Variants in ANKRD27 observed in about 807,000 individuals in gnomAD.
ANKRD27 encodes ankyrin repeat domain 27, also known as ankyrin repeat domain-containing protein 27.
Under a neutral mutation model 129.7 loss-of-function variants are expected in ANKRD27, and 112 were observed. That is an observed-to-expected ratio of 0.86 (90% confidence interval 0.74 to 1.01). The LOEUF (loss-of-function observed/expected upper bound fraction) is 1.01, where lower values mean the gene tolerates loss of function less well. ANKRD27 is among the 50% of genes least tolerant of loss of function. The probability of loss-of-function intolerance (pLI) is 0.00; values close to 1 mark genes in which losing one functional copy is unlikely to be tolerated. For missense variants in ANKRD27, 1,258 were observed against 1,300.5 expected, an observed-to-expected ratio of 0.97 and a Z score of 0.50; for synonymous variants, 516 against 511.2, an observed-to-expected ratio of 1.01 and a Z score of -0.13.
intron 12 of ANKRD27, chr19:32,636,544 A>C (rs1967093491): frequency 1.3e-5 from 2 of 152,028 alleles, no homozygotes; most frequent in African/African-American, 2.4e-5. Context: ...GCACAGAAAA[A>C]AAGACAAATG....
rs2277927 is a variant in ANKRD27 at position 32,597,460 on chromosome 19, T to C, written c.*685A>G. The C allele has an allele frequency of 0.26, 39,110 of 152,586 alleles. 5,769 individuals are homozygous for C. The highest frequency in any genetic ancestry group is 0.48 in the East Asian group (2,463 of 5,158). 9.5% of individuals were successfully genotyped at this position (152,586 alleles called of 1,614,324 possible). On this transcript the variant is annotated 3_prime_UTR_variant, in exon 29 of 29. Transcript: ENST00000306065. ...CAACAAAAAGGGATGTTTCTAGAAA[T>C]ACTGCTACAGGTGCACGTGTAGTAA...
chr19:32,633,085 G>A (rs1420562244), intron 12 of ANKRD27, among the ~76,000 whole-genome samples: 2 of 152,028 alleles, frequency 1.3e-5, no homozygotes, highest in Admixed American at 6.6e-5. Context: ...ATTGTTATCC[G>A]GGTAAATCCA....
At chr19:32,674,679 G>A (rs1458150050) in intron 1 of ANKRD27, among the ~76,000 whole-genome samples, 1 of 151,592 alleles carries the variant, frequency 6.6e-6, no homozygotes, top group Non-Finnish European at 1.5e-5. Context: ...CCCACCCGCC[G>A]CTCCCCTCCA....
In ANKRD27 at chr19:32,619,364, G is replaced by A; in HGVS notation, c.1903C>T (p.Pro635Ser). ...CTGATGGAGTCCACGGAGCGCTGCGGGGACTGCACAGGGGCCTGCAGCCAA... is the reference window on the plus strand; with the variant it reads ...CTGATGGAGTCCACGGAGCGCTGCGAGGACTGCACAGGGGCCTGCAGCCAA... ...QKSSEAPVQS[P>S]QRSVDSISQE... Residue 635 changes from proline (P) to serine (S), a missense_variant, in exon 20 of 29, where the codon CCG becomes TCG. Pro to Ser is a moderately conservative substitution (Grantham distance 74). Transcript: ENST00000306065. 6.2e-7 allele frequency: 1 copy of A among 1,613,764 alleles called. No homozygotes were observed. The highest frequency in any genetic ancestry group is 8.5e-7 in the Non-Finnish European group (1 of 1,180,020).
chr19:32,622,667 C>A (rs374985702), intron 17 of ANKRD27, 48 bp from the exon 18 acceptor site: 1 of 1,591,960 alleles, frequency 6.3e-7, no homozygotes, highest in African/African-American at 1.3e-5. Context: ...TACCAAGCCT[C>A]GACAAGGTCC....
At chr19:32,610,387 A>C (rs1301123210) in intron 22 of ANKRD27, among the ~76,000 whole-genome samples, 1 of 151,498 alleles carries the variant, frequency 6.6e-6, no homozygotes, top group African/African-American at 2.4e-5. Flanking sequence ...TGGGAGGCTG[A>C]GGCAAAAGGA....
intron 24 of ANKRD27, among the ~76,000 whole-genome samples, chr19:32,604,872 A>G (rs1971708078): frequency 6.6e-6 from 1 of 151,912 alleles, no homozygotes; most frequent in African/African-American, 2.4e-5. Context: ...AGCCTGGCCA[A>G]CATAGTGAAA....
At position 32,644,449 on chromosome 19, in the gene ANKRD27, G is replaced by T; in HGVS notation, c.401C>A (p.Ser134Tyr). The T allele has an allele frequency of 6.2e-7, 1 of 1,613,980 alleles. No homozygotes were observed. Reference protein sequence around the residue: ...EEPLAPSDPFSLKTIEDVREF... With the variant: ...EEPLAPSDPFYLKTIEDVREF... ...TCTCACATCTTCAATGGTTTTCAGG[G>T]AAAAGGGATCTGAGGGTGCCAAAGG... The change falls in exon 5 of 29, where the codon TCC becomes TAC. Residue 134 changes from serine (S) to tyrosine (Y), a missense_variant. Physicochemically the swap from Ser to Tyr is moderately radical, Grantham distance 144. Transcript: ENST00000306065.
At chr19:32,660,433 G>T (rs1273886022) in intron 1 of ANKRD27, among the ~76,000 whole-genome samples, 1 of 152,166 alleles carries the variant, frequency 6.6e-6, no homozygotes, top group Non-Finnish European at 1.5e-5. Flanking sequence ...GTCCCAGCTT[G>T]GGACTGCCCA....
At chr19:32,633,992 C>T (rs1449078099) in intron 12 of ANKRD27, among the ~76,000 whole-genome samples, 1 of 152,152 alleles carries the variant, frequency 6.6e-6, no homozygotes, top group Non-Finnish European at 1.5e-5. Flanking sequence ...GATCACACCA[C>T]TGCACTCCAC....
chr19:32,615,674 C>G lies in ANKRD27; in HGVS notation c.2159G>C (p.Cys720Ser). The G allele has an allele frequency of 6.2e-7, 1 of 1,614,212 alleles. No individual in the cohort carries two copies. Among genetic ancestry groups the G allele is most frequent in the Non-Finnish European group, 8.5e-7 (1 of 1,180,042 alleles). Residue 720 changes from cysteine (C) to serine (S), a missense_variant, in exon 22 of 29, where the codon TGT becomes TCT. Cys to Ser is a moderately radical substitution (Grantham distance 112). Coordinates refer to ENST00000306065, the MANE Select transcript of ANKRD27 (RefSeq NM_032139.3). ...AAGCCAAACCTTCTGAGCTGGGGCA[C>G]ACTTGGGGCACTGGCACAACGGGTG... is the stretch of plus-strand genomic sequence containing the variant. ...FCHPLCQCPKCAPAQKRLAKV... is the reference protein window; with the variant it reads ...FCHPLCQCPKSAPAQKRLAKV...
At chr19:32,624,284 T>C (rs1568403756) in intron 17 of ANKRD27, among the ~76,000 whole-genome samples, 3 of 151,994 alleles carry the variant, frequency 2.0e-5, no homozygotes, top group Admixed American at 6.6e-5. Flanking sequence ...GGAGAATCGC[T>C]TGAACCCGGG....
chr19:32,656,059 A>AAAAGAAAAGAAAGAAAG (rs1967514520), intron 2 of ANKRD27, among the ~76,000 whole-genome samples: 2 of 65,882 alleles, frequency 3.0e-5, no homozygotes, highest in African/African-American at 1.1e-4. Flanking sequence ...GAAAAGAAAG[A>AAAAGAAAAGAAAGAAAG]AAAGAAAGAA....
chr19:32,631,726 C>T (rs545333970), intron 12 of ANKRD27, among the ~76,000 whole-genome samples: 6 of 152,258 alleles, frequency 3.9e-5, no homozygotes, highest in Admixed American at 6.5e-5. Context: ...GGGATGGTGG[C>T]GGCACCCTGA....
Position 32,617,902 on chromosome 19 carries a change from G to A in ANKRD27, c.2008-269C>T, listed in dbSNP as rs539921100. Among the ~76,000 whole-genome samples, 4 of 152,110 alleles carry A rather than the reference G, an allele frequency of 2.6e-5. No individual in the cohort carries two copies. In the South Asian group the frequency reaches 8.3e-4, roughly 32 times the overall value. On this transcript the variant is annotated intron_variant, in intron 20 of 28. Transcript: ENST00000306065. ...CCCTAGTAGCTGGGATTACAGGCAT[G>A]CACCACCATGCCCGGCTAATTTTTT...
chr19:32,667,832 C>CAAAAAAAAA (rs10667176), intron 1 of ANKRD27, among the ~76,000 whole-genome samples: 2 of 134,916 alleles, frequency 1.5e-5, no homozygotes, highest in Non-Finnish European at 1.6e-5. Context: ...AACTCCGTCT[C>CAAAAAAAAA]AAAAAAAAAA....
At chr19:32,634,771 C>A (rs1016763953) in intron 12 of ANKRD27, among the ~76,000 whole-genome samples, 1 of 152,012 alleles carries the variant, frequency 6.6e-6, no homozygotes, top group Non-Finnish European at 1.5e-5. Flanking sequence ...AAAAATTAGC[C>A]GTGCGTAGTG....
chr19:32,641,598 A>G lies in ANKRD27; in HGVS notation c.904+426T>C, dbSNP rs17833279. Reference sequence around the variant, plus strand: ...CCAGGACAGCTATGAGCTCACCATCATATCGTGGCTAAACAGCTATCCCCC... The same window carrying G: ...CCAGGACAGCTATGAGCTCACCATCGTATCGTGGCTAAACAGCTATCCCCC... On this transcript the variant is annotated intron_variant, in intron 10 of 28. Transcript: ENST00000306065. Among the ~76,000 whole-genome samples the G allele has an allele frequency of 0.017, 2,589 of 152,020 alleles. 130 individuals are homozygous for G. The East Asian group carries it at 0.21, about 12-fold the overall frequency.
rs756860471 is a variant in ANKRD27, at chr19:32,607,621, C to A, written c.2373+14G>T. 6.2e-7 allele frequency: 1 copy of A among 1,609,956 alleles called. No individual in the cohort carries two copies. The highest frequency in any genetic ancestry group is 8.5e-7 in the Non-Finnish European group (1 of 1,179,088). ...AGACACCCTGCTCCACCACCCCCAA[C>A]ACACAGCCCGAACCTGAAAGTGGCC... On this transcript the variant is annotated intron_variant, in intron 23 of 28. Coordinates refer to ENST00000306065, the MANE Select transcript of ANKRD27 (RefSeq NM_032139.3).
Sources: gnomAD v4.1 joint callset for allele counts (sites outside exome capture counted in the v4.1 genomes callset) on GRCh38, gnomAD v4.1.1 for gene constraint, MANE v1.5 for transcripts, NCBI Gene and HGNC (gene_info 2026-07-23, HGNC 2026-07-21) for gene names.